The following MAPKAP1 variants were observed in gnomAD, a reference collection of about 807,000 sequenced individuals.
The protein encoded by MAPKAP1 is MAPK associated protein 1.
A neutral mutation model predicts 65.7 loss-of-function variants in MAPKAP1; 20 were observed. The ratio of observed to expected loss-of-function variants is 0.30; its 90% confidence interval spans 0.21 to 0.44. The LOEUF (loss-of-function observed/expected upper bound fraction) is 0.44. Among genes scored for constraint, MAPKAP1 ranks in the 20% least tolerant of loss-of-function variants. The pLI is 1.00. For synonymous variants in MAPKAP1, 222 were observed against 244.3 expected (o/e 0.91, Z 0.85); for missense variants, 423 against 648.0 (o/e 0.65, Z 3.77).
At chr9:125,607,641 CTTTTATT>C (rs1437064619) in intron 4 of MAPKAP1, among the ~76,000 whole-genome samples, 1 of 114,574 alleles carries the variant, frequency 8.7e-6, no homozygotes, top group African/African-American at 2.8e-5. Context: ...GCTTACTTTG[CTTTTATT>C]TTTTATTTAT....
intron 6 of MAPKAP1, among the ~76,000 whole-genome samples, chr9:125,551,145 G>A (rs1390568921): frequency 6.6e-6 from 1 of 152,194 alleles, no homozygotes; most frequent in Admixed American, 6.5e-5. Flanking sequence ...TTGGAGGTAT[G>A]AAACTGAATG....
intron 4 of MAPKAP1, among the ~76,000 whole-genome samples, chr9:125,598,595 G>A (rs973079801): frequency 1.3e-5 from 2 of 152,102 alleles, no homozygotes; most frequent in Non-Finnish European, 2.9e-5. Context: ...AGCACAAGTC[G>A]GGGCATCAGA....
chr9:125,671,589 G>A (rs1342629679), intron 2 of MAPKAP1, among the ~76,000 whole-genome samples: 2 of 151,404 alleles, frequency 1.3e-5, no homozygotes, highest in Non-Finnish European at 1.5e-5. Flanking sequence ...ATTTGTCTAA[G>A]TAAAAAAAAA....
At chr9:125,497,438 A>G (rs1336630634) in intron 8 of MAPKAP1, among the ~76,000 whole-genome samples, 1 of 152,238 alleles carries the variant, frequency 6.6e-6, no homozygotes, top group African/African-American at 2.4e-5. Flanking sequence ...TTAATGAATA[A>G]AAGACAGTTT....
intron 8 of MAPKAP1, among the ~76,000 whole-genome samples, chr9:125,491,115 G>C (rs28859382): frequency 0.012 from 1,821 of 150,212 alleles, 40 homozygotes; most frequent in African/African-American, 0.043. Context: ...ACTCCAGCCT[G>C]GGCGACAGAG....
chr9:125,688,158 G>A (rs1039251002), intron 1 of MAPKAP1, among the ~76,000 whole-genome samples: 5 of 151,632 alleles, frequency 3.3e-5, no homozygotes, highest in African/African-American at 4.9e-5. Flanking sequence ...CTTTTTTTGA[G>A]ACGGAGTTTT....
At chr9:125,481,296 G>C (rs547903625) in intron 9 of MAPKAP1, among the ~76,000 whole-genome samples, 1 of 152,108 alleles carries the variant, frequency 6.6e-6, no homozygotes, top group Non-Finnish European at 1.5e-5. Context: ...AGAAGCCCAT[G>C]ATCTTGGTTA....
chr9:125,513,302 C>T (rs1315134983), intron 7 of MAPKAP1: 3 of 151,768 alleles, frequency 2.0e-5, no homozygotes, highest in African/African-American at 7.3e-5. Flanking sequence ...TCATTGCTGA[C>T]CATAAGAACA....
chr9:125,597,895 G>A (rs1386189403), intron 4 of MAPKAP1, among the ~76,000 whole-genome samples: 3 of 152,062 alleles, frequency 2.0e-5, no homozygotes, highest in Admixed American at 1.3e-4. Context: ...TCTACCAATG[G>A]TCTTGTCTTT....
chr9:125,663,221 GCTTA>G (rs933058134), intron 3 of MAPKAP1, among the ~76,000 whole-genome samples: 2 of 152,090 alleles, frequency 1.3e-5, no homozygotes, highest in African/African-American at 4.8e-5. Flanking sequence ...CTCTTCCCGT[GCTTA>G]CTGTGCTCTA....
chr9:125,523,616 G>A (rs1189762094), intron 7 of MAPKAP1, among the ~76,000 whole-genome samples: 1 of 152,186 alleles, frequency 6.6e-6, no homozygotes. Context: ...TAGCTGTTAC[G>A]ATGCTAGAGA....
At chr9:125,563,371 A>G (rs1039242532) in intron 5 of MAPKAP1, among the ~76,000 whole-genome samples, 3 of 152,230 alleles carry the variant, frequency 2.0e-5, no homozygotes, top group Non-Finnish European at 4.4e-5. Flanking sequence ...ATGCTAACTC[A>G]AATTCTTAGA....
At chr9:125,529,411 T>C (rs1316048277) in intron 7 of MAPKAP1, among the ~76,000 whole-genome samples, 1 of 151,516 alleles carries the variant, frequency 6.6e-6, no homozygotes, top group African/African-American at 2.4e-5. Context: ...AGACACACTG[T>C]ACCTGAGAGA....
chr9:125,491,803 C>CA (rs1249684480), intron 8 of MAPKAP1, among the ~76,000 whole-genome samples: 5 of 150,796 alleles, frequency 3.3e-5, no homozygotes, highest in African/African-American at 9.7e-5. Context: ...CAAAAAAAAA[C>CA]AAAAAAACAT....
At chr9:125,601,673 T>C in intron 4 of MAPKAP1, among the ~76,000 whole-genome samples, 1 of 152,240 alleles carries the variant, frequency 6.6e-6, no homozygotes, top group East Asian at 1.9e-4. Context: ...TCAGTAATTA[T>C]AATTAATTCA....
At chr9:125,691,610 TA>T (rs1307688458) in intron 1 of MAPKAP1, among the ~76,000 whole-genome samples, 2 of 151,628 alleles carry the variant, frequency 1.3e-5, no homozygotes, top group East Asian at 1.9e-4. Flanking sequence ...AGAAGAACAG[TA>T]ACCTAGGGAT....
chr9:125,539,943 C>T (rs2133161882), intron 7 of MAPKAP1, among the ~76,000 whole-genome samples: 1 of 152,038 alleles, frequency 6.6e-6, no homozygotes, highest in South Asian at 2.1e-4. Flanking sequence ...TTGACTGAAA[C>T]ATACTGTGAA....
chr9:125,698,302 T>TAAAAA lies in MAPKAP1; in HGVS notation c.-70+8668_-70+8669insTTTTT, dbSNP rs1193034214. On this transcript the variant is annotated intron_variant, in intron 1 of 11. Transcript: ENST00000265960. ...TAATATATATAAATATATATATATA[T>TAAAAA]ATATATATATATATATATATATATA... 1.2e-3 allele frequency among the ~76,000 whole-genome samples: 26 copies of TAAAAA among 21,856 alleles called. 2 individuals are homozygous for TAAAAA. Among genetic ancestry groups the TAAAAA allele is most frequent in the African/African-American group, 3.8e-3 (24 of 6,278 alleles). The allele number at this position is 21,856 out of a possible 152,430, so 14.3% of individuals were successfully genotyped here. A position where few individuals can be genotyped will look rare whatever the true frequency, so the allele number is the denominator to read the frequency against.
intron 4 of MAPKAP1, among the ~76,000 whole-genome samples, chr9:125,586,438 G>A (rs540327660): frequency 1.3e-4 from 20 of 151,844 alleles, no homozygotes; most frequent in South Asian, 6.2e-4. Context: ...CTACCTCTTG[G>A]ACTTCACTGA....
Sources: allele counts gnomAD v4.1 joint callset (sites outside exome capture counted in the v4.1 genomes callset), GRCh38; gene constraint gnomAD v4.1.1; transcripts MANE v1.5; gene names NCBI Gene and HGNC (gene_info 2026-07-23, HGNC 2026-07-21).